C1orf21: variants seen among roughly 807,000 people sequenced by gnomAD.
The protein encoded by C1orf21 is chromosome 1 open reading frame 21.
Under a neutral mutation model 18.7 loss-of-function variants are expected in C1orf21, and 3 were observed. That is an observed-to-expected ratio of 0.16 (90% CI 0.07 to 0.42). The LOEUF (loss-of-function observed/expected upper bound fraction) is 0.42. Among genes scored for constraint, C1orf21 ranks in the 10% least tolerant of loss-of-function variants. The pLI is 0.99. For synonymous variants in C1orf21, 41 were observed against 46.4 expected (o/e 0.88, Z 0.47); for missense variants, 104 against 143.6 (o/e 0.72, Z 1.41).
chr1:184,404,071 G>A (rs1046517979), intron 1 of C1orf21, among the ~76,000 whole-genome samples: 2 of 152,156 alleles, frequency 1.3e-5, no homozygotes, highest in African/African-American at 4.8e-5. Flanking sequence ...CATTTAATCG[G>A]ATAATAGCCC....
In C1orf21 at chr1:184,410,650, T is replaced by TAATATATATATA. The variant is rs1177125909; in HGVS notation, c.-125+23283_-125+23284insATATATATATAA. Among the ~76,000 whole-genome samples, 2 of 6,666 alleles carry TAATATATATATA rather than the reference T, an allele frequency of 3.0e-4. 1 individual carries two copies. Among genetic ancestry groups the TAATATATATATA allele is most frequent in the African/African-American group, 5.7e-3 (2 of 350 alleles). 4.4% of individuals were successfully genotyped at this position (6,666 alleles called of 152,430 possible). ...ATATATATATATATATATATATATA[T>TAATATATATATA]ATATATATATATATTTTTTTTTTTT... On this transcript the variant is annotated intron_variant, in intron 1 of 5. Coordinates refer to ENST00000235307, the MANE Select transcript of C1orf21 (RefSeq NM_030806.4).
At position 184,516,539 on chromosome 1, in the gene C1orf21, A is replaced by T. The variant is rs138852737; in HGVS notation, c.189+8857A>T. Among the ~76,000 whole-genome samples, 1,126 of 152,312 alleles carry T rather than the reference A, an allele frequency of 7.4e-3. 6 individuals are homozygous for T. Among genetic ancestry groups the T allele is most frequent in the Middle Eastern group, 0.02 (6 of 294 alleles). On this transcript the variant is annotated intron_variant, in intron 3 of 5. Transcript: ENST00000235307. ...ATAAGACAGAGGTTTAATTGGACTT[A>T]AGTTCCACGTGGATGGGGAAGCTTC... is the stretch of plus-strand genomic sequence containing the variant.
At chr1:184,602,972 T>G (rs552939399) in intron 5 of C1orf21, among the ~76,000 whole-genome samples, 2 of 152,362 alleles carry the variant, frequency 1.3e-5, no homozygotes, top group Non-Finnish European at 2.9e-5. Flanking sequence ...AAAGGCTTCT[T>G]AAACTTTGTT....
chr1:184,537,808 G>A (rs897180605), intron 3 of C1orf21, among the ~76,000 whole-genome samples: 2 of 152,010 alleles, frequency 1.3e-5, no homozygotes, highest in Admixed American at 6.5e-5. Flanking sequence ...GCGCTACCAT[G>A]CCGGCTAATT....
At chr1:184,482,514 T>G (rs995134961) in intron 2 of C1orf21, among the ~76,000 whole-genome samples, 1 of 152,240 alleles carries the variant, frequency 6.6e-6, no homozygotes, top group African/African-American at 2.4e-5. Context: ...GAGGAAATTA[T>G]GACTCCATGA....
chr1:184,396,920 G>A (rs1188408718), intron 1 of C1orf21, among the ~76,000 whole-genome samples: 1 of 152,128 alleles, frequency 6.6e-6, no homozygotes, highest in African/African-American at 2.4e-5. Context: ...CGCACACTAG[G>A]GGCCCAGCAC....
chr1:184,536,201 C>T (rs1397814359), intron 3 of C1orf21, among the ~76,000 whole-genome samples: 1 of 152,076 alleles, frequency 6.6e-6, no homozygotes, highest in East Asian at 1.9e-4. Flanking sequence ...GAGATTTGAC[C>T]CATCTGACCT....
At chr1:184,483,055 A>C (rs141015615) in intron 2 of C1orf21, among the ~76,000 whole-genome samples, 3 of 152,360 alleles carry the variant, frequency 2.0e-5, no homozygotes, top group Non-Finnish European at 4.4e-5. Context: ...TTTCACTTTA[A>C]GTGTTGAAGC....
At chr1:184,452,358 A>G (rs868827356) in intron 1 of C1orf21, among the ~76,000 whole-genome samples, 2 of 152,214 alleles carry the variant, frequency 1.3e-5, no homozygotes, top group South Asian at 2.1e-4. Context: ...GAGTGTGAGA[A>G]CAATTCTTTG....
chr1:184,617,068 T>C (rs987727370), intron 5 of C1orf21, among the ~76,000 whole-genome samples: 1 of 152,100 alleles, frequency 6.6e-6, no homozygotes, highest in Non-Finnish European at 1.5e-5. Flanking sequence ...GAGTTTATAA[T>C]AACAACAATT....
At chr1:184,604,158 C>A (rs956467634) in intron 5 of C1orf21, among the ~76,000 whole-genome samples, 12 of 152,198 alleles carry the variant, frequency 7.9e-5, no homozygotes, top group African/African-American at 2.4e-4. Context: ...AGAGTTGTTA[C>A]AGAACCAAAT....
At chr1:184,572,045 G>T (rs1659120443) in intron 3 of C1orf21, among the ~76,000 whole-genome samples, 1 of 152,172 alleles carries the variant, frequency 6.6e-6, no homozygotes, top group African/African-American at 2.4e-5. Context: ...CTTGTGCCTG[G>T]CATTTCATCT....
intron 5 of C1orf21, among the ~76,000 whole-genome samples, chr1:184,602,805 T>G (rs1024045942): frequency 1.3e-5 from 2 of 152,198 alleles, no homozygotes; most frequent in African/African-American, 4.8e-5. Flanking sequence ...TAATAGTATC[T>G]TCTACAGGCA....
At chr1:184,480,733 A>G (rs6666704) in intron 2 of C1orf21, among the ~76,000 whole-genome samples, 77,651 of 151,878 alleles carry the variant, frequency 0.51, 20,183 homozygotes, top group African/African-American at 0.62. Flanking sequence ...TGCCTTTAAG[A>G]GCACTGTTTT....
intron 1 of C1orf21, among the ~76,000 whole-genome samples, chr1:184,431,077 G>C (rs973275287): frequency 1.3e-5 from 2 of 151,912 alleles, no homozygotes; most frequent in Admixed American, 6.6e-5. Flanking sequence ...TCATGATTTG[G>C]CTGTCTATTA....
chr1:184,548,105 C>G (rs1658752777), intron 3 of C1orf21, among the ~76,000 whole-genome samples: 1 of 152,016 alleles, frequency 6.6e-6, no homozygotes, highest in Non-Finnish European at 1.5e-5. Context: ...CTTCTGGTAC[C>G]CTAGGCTGTG....
At chr1:184,527,755 G>T (rs892643247) in intron 3 of C1orf21, among the ~76,000 whole-genome samples, 1 of 152,114 alleles carries the variant, frequency 6.6e-6, no homozygotes, top group African/African-American at 2.4e-5. Context: ...ACCTCTCTGA[G>T]CCCAACTTTT....
At chr1:184,568,553 A>G in intron 3 of C1orf21, 1 of 416,858 alleles carries the variant, frequency 2.4e-6, no homozygotes. Context: ...TATGGTGAAA[A>G]TATTTCAAAG....
At chr1:184,497,938 T>G (rs1375771673) in intron 2 of C1orf21, among the ~76,000 whole-genome samples, 2 of 152,224 alleles carry the variant, frequency 1.3e-5, no homozygotes, top group African/African-American at 4.8e-5. Flanking sequence ...GCCACTCTGA[T>G]GACTTTTCAT....
Sources: allele counts gnomAD v4.1 joint callset (sites outside exome capture counted in the v4.1 genomes callset), GRCh38; gene constraint gnomAD v4.1.1; transcripts MANE v1.5; gene names NCBI Gene and HGNC (gene_info 2026-07-23, HGNC 2026-07-21).